The following CPED1 variants were observed in gnomAD, a reference collection of about 807,000 sequenced individuals.
CPED1 encodes cadherin like and PC-esterase domain containing 1, also known as cadherin-like and PC-esterase domain-containing protein 1.
A neutral mutation model predicts 128.2 loss-of-function variants in CPED1; 114 were observed. That is an observed-to-expected ratio of 0.89 (90% CI 0.76 to 1.04). CPED1 has a LOEUF of 1.04. Among genes scored for constraint, CPED1 ranks in the 50% least tolerant of loss-of-function variants. The probability of loss-of-function intolerance (pLI) is 0.00; values close to 1 mark genes in which losing one functional copy is unlikely to be tolerated. For synonymous variants in CPED1, 462 were observed against 426.7 expected (o/e 1.08, Z -1.02); for missense variants, 1,211 against 1,207.1 (o/e 1.00, Z -0.05).
intron 17 of CPED1, 29 bp downstream of exon 17, chr7:121,236,860 TA>T (rs1168543824): frequency 5.7e-6 from 7 of 1,226,414 alleles, no homozygotes; most frequent in South Asian, 1.3e-5. Context: ...ATCACTTCTC[TA>T]AAAAAAGAAT....
intron 5 of CPED1, among the ~76,000 whole-genome samples, chr7:121,070,580 G>T (rs1793959098): frequency 6.6e-6 from 1 of 152,076 alleles, no homozygotes; most frequent in African/African-American, 2.4e-5. Flanking sequence ...CCTCTTAGAT[G>T]TATTTGCATT....
intron 5 of CPED1, among the ~76,000 whole-genome samples, chr7:121,076,312 A>G (rs1479459073): frequency 1.3e-5 from 2 of 152,210 alleles, no homozygotes; most frequent in Non-Finnish European, 2.9e-5. Flanking sequence ...ATTTTAAATA[A>G]TAAGCTTTCT....
rs951516219 is a variant in CPED1 at position 121,297,095 on chromosome 7, A to G, written c.*1443A>G. On this transcript the variant is annotated 3_prime_UTR_variant, in exon 23 of 23. Transcript: ENST00000310396. ...ATGCAAATATCACTTGATATAAACA[A>G]TACAAATCTGCATCTTACAGATGAT... 2.0e-5 allele frequency: 3 copies of G among 152,088 alleles called. No homozygotes were observed. The highest frequency in any genetic ancestry group is 4.8e-5 in the African/African-American group (2 of 41,454). 9.4% of individuals were successfully genotyped at this position (152,088 alleles called of 1,614,324 possible). A position where few individuals can be genotyped will look rare whatever the true frequency, so the allele number is the denominator to read the frequency against.
At chr7:121,271,124 T>A (rs895486526) in intron 21 of CPED1, among the ~76,000 whole-genome samples, 160 bp from the exon 22 acceptor site, 2 of 152,086 alleles carry the variant, frequency 1.3e-5, no homozygotes, top group African/African-American at 4.8e-5. Flanking sequence ...GTAAAAAAAA[T>A]TAGAACACAT....
chr7:121,289,691 C>T (rs1792652402), intron 22 of CPED1, among the ~76,000 whole-genome samples: 4 of 151,946 alleles, frequency 2.6e-5, no homozygotes, highest in Admixed American at 2.6e-4. Context: ...ATTATGTAAG[C>T]TAGAATTACT....
chr7:121,029,349 T>A (rs1792674529), intron 3 of CPED1, among the ~76,000 whole-genome samples: 1 of 152,188 alleles, frequency 6.6e-6, no homozygotes. Context: ...AAGAAACAAA[T>A]CTCTTATTTC....
At chr7:121,179,985 A>G (rs762473122) in intron 16 of CPED1, among the ~76,000 whole-genome samples, 1 of 152,112 alleles carries the variant, frequency 6.6e-6, no homozygotes, top group Non-Finnish European at 1.5e-5. Context: ...TTTCACATTT[A>G]AAGTATAAAA....
Position 121,194,028 on chromosome 7 carries a change from A to C in CPED1, c.2056-42686A>C, listed in dbSNP as rs1329555732. ...TCTCTCTCTCTCTCTCTCTCTATAT[A>C]TATATATATATATATATATATTTTT... is the stretch of plus-strand genomic sequence containing the variant. On this transcript the variant is annotated intron_variant, in intron 16 of 22. Transcript: ENST00000310396. 9.3e-3 allele frequency among the ~76,000 whole-genome samples: 833 copies of C among 89,952 alleles called. 8 individuals carry two copies. Among genetic ancestry groups the C allele is most frequent in the African/African-American group, 0.024 (532 of 21,954 alleles). The allele number at this position is 89,952 out of a possible 152,430, so 59.0% of individuals were successfully genotyped here. A position where few individuals can be genotyped will look rare whatever the true frequency, so the allele number is the denominator to read the frequency against.
intron 4 of CPED1, among the ~76,000 whole-genome samples, chr7:121,049,326 A>C (rs543579077): frequency 7.2e-5 from 11 of 152,352 alleles, no homozygotes; most frequent in Non-Finnish European, 1.3e-4. Context: ...AGCTGCAACC[A>C]AGAAGGAGGT....
intron 16 of CPED1, among the ~76,000 whole-genome samples, chr7:121,157,081 G>A (rs991828194): frequency 2.6e-5 from 4 of 152,150 alleles, no homozygotes; most frequent in Middle Eastern, 3.2e-3. Flanking sequence ...AGATTCAAAC[G>A]TTATACTTGG....
At chr7:121,060,856 T>C (rs1411343432) in intron 4 of CPED1, among the ~76,000 whole-genome samples, 1 of 152,188 alleles carries the variant, frequency 6.6e-6, no homozygotes, top group African/African-American at 2.4e-5. Flanking sequence ...TGCTGCTCAC[T>C]CTTTGGGTCC....
intron 16 of CPED1, among the ~76,000 whole-genome samples, chr7:121,145,206 G>C (rs1302253870): frequency 2.6e-5 from 4 of 151,764 alleles, no homozygotes; most frequent in African/African-American, 9.7e-5. Context: ...AAAAAAGATT[G>C]GTGGGAAAGT....
chr7:121,139,599 G>A (rs1413090487), intron 14 of CPED1, among the ~76,000 whole-genome samples: 2 of 151,984 alleles, frequency 1.3e-5, no homozygotes, highest in Admixed American at 1.3e-4. Flanking sequence ...TGCAGCTGGA[G>A]AGCAAGACAA....
chr7:121,006,444 T>C (rs780248930), intron 2 of CPED1, among the ~76,000 whole-genome samples: 4 of 152,042 alleles, frequency 2.6e-5, no homozygotes, highest in Non-Finnish European at 5.9e-5. Flanking sequence ...AGAAAATAAC[T>C]TCTTCCTTCT....
chr7:121,095,760 T>C (rs996873573), intron 5 of CPED1, among the ~76,000 whole-genome samples: 2 of 152,156 alleles, frequency 1.3e-5, no homozygotes, highest in Non-Finnish European at 2.9e-5. Flanking sequence ...TCTTTTGACA[T>C]GTTTTTTGAC....
intron 16 of CPED1, among the ~76,000 whole-genome samples, chr7:121,236,385 T>C: frequency 6.6e-6 from 1 of 152,200 alleles, no homozygotes. Flanking sequence ...CCTTCTCACA[T>C]GAACCGTCTT....
chr7:121,257,582 C>T (rs1369856079), intron 18 of CPED1, among the ~76,000 whole-genome samples: 2 of 151,938 alleles, frequency 1.3e-5, no homozygotes, highest in East Asian at 3.9e-4. Flanking sequence ...TTTCACACAA[C>T]ACAGAGATAA....
rs1052370738 is a variant in CPED1 at position 121,243,671 on chromosome 7, G to A, written c.2174-531G>A. Among the ~76,000 whole-genome samples, 56 of 152,242 alleles carry A rather than the reference G, an allele frequency of 3.7e-4. 1 individual carries two copies. The highest frequency in any genetic ancestry group is 1.3e-3 in the African/African-American group (55 of 41,554). Reference sequence around the variant, plus strand: ...TAGAAAGAGGTGAAGACATTCACACGAAAAAGGCCATCAATCAAATCAAAG... The same window carrying A: ...TAGAAAGAGGTGAAGACATTCACACAAAAAAGGCCATCAATCAAATCAAAG... On this transcript the variant is annotated intron_variant, in intron 17 of 22. Coordinates refer to ENST00000310396, the MANE Select transcript of CPED1 (RefSeq NM_024913.5).
At chr7:121,158,363 G>A (rs1304533917) in intron 16 of CPED1, among the ~76,000 whole-genome samples, 1 of 152,070 alleles carries the variant, frequency 6.6e-6, no homozygotes, top group East Asian at 1.9e-4. Flanking sequence ...CTGTGATCAC[G>A]ATAACCCCAG....
Sources: allele counts gnomAD v4.1 joint callset (sites outside exome capture counted in the v4.1 genomes callset), GRCh38; gene constraint gnomAD v4.1.1; transcripts MANE v1.5; gene names NCBI Gene and HGNC (gene_info 2026-07-23, HGNC 2026-07-21).